Variants in FANCD2OS observed in about 807,000 individuals in gnomAD.
FANCD2OS encodes FANCD2 opposite strand.
Under a neutral mutation model 13.2 loss-of-function variants are expected in FANCD2OS, and 11 were observed. That is an observed-to-expected ratio of 0.83 (90% CI 0.52 to 1.38). The LOEUF is 1.38. FANCD2OS is among the 40% of genes most tolerant of loss of function. FANCD2OS has a pLI of 0.00. For missense variants in FANCD2OS, 217 were observed against 213.9 expected, an observed-to-expected ratio of 1.01 and a Z score of -0.09; for synonymous variants, 69 against 84.5, an observed-to-expected ratio of 0.82 and a Z score of 1.01.
chr3:10,104,082 G>A lies in FANCD2OS; in HGVS notation c.*159C>T, dbSNP rs987469781. On this transcript the variant is annotated 3_prime_UTR_variant, in exon 2 of 2. Coordinates refer to ENST00000450660, the MANE Select transcript of FANCD2OS (RefSeq NM_001164839.2). ...CTCTATCATTGGTCCTTTTTTGGAGGGGAAGGGATGAAAGGGGCTCCTGAA... is the reference window on the plus strand; with the variant it reads ...CTCTATCATTGGTCCTTTTTTGGAGAGGAAGGGATGAAAGGGGCTCCTGAA... The A allele has an allele frequency of 1.6e-6, 1 of 638,460 alleles. No homozygotes were observed. Among genetic ancestry groups the A allele is most frequent in the Admixed American group, 3.3e-5 (1 of 30,126 alleles). 39.5% of individuals were successfully genotyped at this position (638,460 alleles called of 1,614,324 possible).
intron 2 of FANCD2OS, chr3:10,090,443 A>ATTTTT (rs773716319): frequency 4.9e-4 from 167 of 342,108 alleles, no homozygotes; most frequent in East Asian, 8.9e-4. Flanking sequence ...GAAGTTGCTG[A>ATTTTT]TTTTTTTTTT....
chr3:10,104,224 G>A lies in FANCD2OS; in HGVS notation c.*17C>T, dbSNP rs939127859. On this transcript the variant is annotated 3_prime_UTR_variant, in exon 2 of 2. Coordinates refer to ENST00000450660, the MANE Select transcript of FANCD2OS (RefSeq NM_001164839.2). ...AAAGGGCATGGTGTGAGTAAATGGG[G>A]ATCAAATGAGGACCCTTTACTTGGA... 1 of 1,581,418 alleles carries A rather than the reference G, an allele frequency of 6.3e-7. No individual in the cohort carries two copies. The highest frequency in any genetic ancestry group is 8.6e-7 in the Non-Finnish European group (1 of 1,163,556).
chr3:10,087,285 T>A, intron 2 of FANCD2OS: 1 of 1,473,996 alleles, frequency 6.8e-7, no homozygotes, highest in Non-Finnish European at 9.2e-7. Flanking sequence ...TAGATCCTTT[T>A]TTTTTTTTTT....
intron 2 of FANCD2OS, among the ~76,000 whole-genome samples, chr3:10,089,403 A>T (rs912662075): frequency 6.6e-6 from 1 of 152,166 alleles, no homozygotes. Flanking sequence ...TTCAATAAAG[A>T]GAGTCTGTTA....
Position 10,087,244 on chromosome 3 carries a change from C to G in FANCD2OS, c.*44-5713G>C, listed in dbSNP as rs147675860. 1 of 1,605,114 alleles carries G rather than the reference C, an allele frequency of 6.2e-7. No homozygotes were observed. Among genetic ancestry groups the G allele is most frequent in the Non-Finnish European group, 8.5e-7 (1 of 1,176,716 alleles). ...ATTTTGGAGAAATCAACAGCTTCTG[C>G]TCAGAACAAAGAAAAAATTGGTGAT... On this transcript the variant is annotated intron_variant, in intron 2 of 2. Transcript: ENST00000524279.
In FANCD2OS at chr3:10,104,094, AAG is replaced by A. The variant is rs1257609704; in HGVS notation, c.*145_*146del. On this transcript the variant is annotated 3_prime_UTR_variant, in exon 2 of 2. Transcript: ENST00000450660. ...TCCTTTTTTGGAGGGGAAGGGATGA[AAG>A]GGGCTCCTGAATCATCACTGCTTGA... 2 of 695,172 alleles carry A rather than the reference AAG, an allele frequency of 2.9e-6. No homozygotes were observed. The highest frequency in any genetic ancestry group is 3.6e-5 in the African/African-American group (2 of 55,598). 43.1% of individuals were successfully genotyped at this position (695,172 alleles called of 1,614,324 possible).
intron 2 of FANCD2OS, among the ~76,000 whole-genome samples, chr3:10,090,004 A>G (rs1004005322): frequency 6.6e-6 from 1 of 152,234 alleles, no homozygotes; most frequent in Non-Finnish European, 1.5e-5. Flanking sequence ...CGTGCAATAA[A>G]ATAAACATAG....
intron 2 of FANCD2OS, chr3:10,088,797 T>C (rs761955186): frequency 1.2e-6 from 2 of 1,612,396 alleles, no homozygotes; most frequent in South Asian, 1.1e-5. Context: ...CTTTGTTAAT[T>C]AGTGGGTCAA....
intron 2 of FANCD2OS, chr3:10,081,656 A>C: frequency 1.6e-6 from 1 of 628,324 alleles, no homozygotes; most frequent in Non-Finnish European, 2.9e-6. Flanking sequence ...CTTTGGAGCC[A>C]CTATGTTAAC....
chr3:10,091,202 T>C (rs1269747100), intron 2 of FANCD2OS, among the ~76,000 whole-genome samples: 9 of 147,416 alleles, frequency 6.1e-5, no homozygotes, highest in Middle Eastern at 3.5e-3. Flanking sequence ...CACGTCAGCC[T>C]CCCAAATAGC....
At chr3:10,099,024 C>A, downstream of FANCD2OS, 9 of 1,611,548 alleles carry the variant, frequency 5.6e-6, no homozygotes, top group Non-Finnish European at 8.5e-7. Flanking sequence ...TCCTGAGTAT[C>A]TCGAGTTGTG....
intron 2 of FANCD2OS, chr3:10,094,960 A>G (rs1340272113): frequency 7.4e-6 from 4 of 537,322 alleles, no homozygotes; most frequent in South Asian, 4.2e-5. Context: ...ATGGTAACCT[A>G]TGTAAAACTA....
chr3:10,085,190 G>A (rs957878498), intron 2 of FANCD2OS, among the ~76,000 whole-genome samples: 1 of 152,134 alleles, frequency 6.6e-6, no homozygotes, highest in Non-Finnish European at 1.5e-5. Flanking sequence ...ATGAAGGAGA[G>A]CTTTTTGCCC....
intron 2 of FANCD2OS, among the ~76,000 whole-genome samples, chr3:10,089,689 T>G (rs1307053067): frequency 6.6e-6 from 1 of 152,088 alleles, no homozygotes; most frequent in Non-Finnish European, 1.5e-5. Flanking sequence ...AGGCTAGTCT[T>G]GAACCCAACC....
chr3:10,101,317 G>T, downstream of FANCD2OS: 2 of 1,283,602 alleles, frequency 1.6e-6, no homozygotes, highest in Non-Finnish European at 2.2e-6. Flanking sequence ...TGATCATTTT[G>T]TGTTAGAGTT....
chr3:10,098,690 C>T (rs2125100605), downstream of FANCD2OS: 1 of 1,613,082 alleles, frequency 6.2e-7, no homozygotes, highest in African/African-American at 1.3e-5. Flanking sequence ...TCATTATAAC[C>T]CACCATTTTC....
chr3:10,105,766 AAAAAATTATATAT>A (rs1695462284), intron 1 of FANCD2OS, among the ~76,000 whole-genome samples: 4 of 58,718 alleles, frequency 6.8e-5, no homozygotes, highest in African/African-American at 3.7e-4. Flanking sequence ...AAAAAAAAAA[AAAAAATTATATAT>A]ATATATATAT....
intron 2 of FANCD2OS, among the ~76,000 whole-genome samples, chr3:10,092,850 C>G (rs577076153): frequency 1.3e-5 from 2 of 152,004 alleles, no homozygotes; most frequent in East Asian, 3.9e-4. Context: ...TGCCACCACA[C>G]CCAGCTAATT....
intron 1 of FANCD2OS, among the ~76,000 whole-genome samples, chr3:10,105,962 G>A (rs1313107727): frequency 1.3e-5 from 2 of 151,174 alleles, no homozygotes; most frequent in Non-Finnish European, 2.9e-5. Flanking sequence ...ATTTATATAA[G>A]CCCTCTTGCA....
Sources: gnomAD v4.1 joint callset for allele counts (sites outside exome capture counted in the v4.1 genomes callset) on GRCh38, gnomAD v4.1.1 for gene constraint, MANE v1.5 for transcripts, NCBI Gene and HGNC (gene_info 2026-07-23, HGNC 2026-07-21) for gene names.